Variants in ZNF33A observed in about 807,000 individuals in gnomAD.
ZNF33A encodes the protein zinc finger protein 33A.
In ZNF33A, 9 loss-of-function variants were observed where a neutral mutation model predicts 15.9. That is an observed-to-expected ratio of 0.57 (90% confidence interval 0.34 to 0.99). The LOEUF (loss-of-function observed/expected upper bound fraction) is 0.99, where lower values mean the gene tolerates loss of function less well. Among genes scored for constraint, ZNF33A ranks in the 50% least tolerant of loss-of-function variants. The probability of loss-of-function intolerance (pLI) is 0.02; values close to 1 mark genes in which losing one functional copy is unlikely to be tolerated. For missense variants in ZNF33A, 843 were observed against 941.6 expected, an observed-to-expected ratio of 0.90 and a Z score of 1.37; for synonymous variants, 294 against 324.2, an observed-to-expected ratio of 0.91 and a Z score of 1.00.
intron 4 of ZNF33A, among the ~76,000 whole-genome samples, chr10:38,049,571 G>T (rs2066103685): frequency 6.6e-6 from 1 of 151,998 alleles, no homozygotes; most frequent in Non-Finnish European, 1.5e-5. Context: ...CACATATAGG[G>T]AATTTCATAT....
chr10:38,046,360 G>T (rs555435921), intron 4 of ZNF33A, among the ~76,000 whole-genome samples: 2 of 152,310 alleles, frequency 1.3e-5, no homozygotes, highest in East Asian at 3.9e-4. Flanking sequence ...GACTGATCCT[G>T]CCAGCCAGAG....
rs1039069025 is a variant in ZNF33A, at chr10:38,059,283, T to C, written c.*2723T>C. The C allele has an allele frequency of 6.6e-6, 1 of 152,178 alleles. No homozygotes were observed. Among genetic ancestry groups the C allele is most frequent in the African/African-American group, 2.4e-5 (1 of 41,450 alleles). The allele number at this position is 152,178 out of a possible 1,614,324, so 9.4% of individuals were successfully genotyped here. On this transcript the variant is annotated 3_prime_UTR_variant, in exon 5 of 5. Transcript: ENST00000432900. ...CCTTGATGTTTCCAACTAGACACTTTCCTACTAAGATCAGGAACATGGCAA... is the reference window on the plus strand; with the variant it reads ...CCTTGATGTTTCCAACTAGACACTTCCCTACTAAGATCAGGAACATGGCAA...
At position 38,057,527 on chromosome 10, in the gene ZNF33A, A is replaced by G. The variant is rs2066534727; in HGVS notation, c.*967A>G. On this transcript the variant is annotated 3_prime_UTR_variant, in exon 5 of 5. Transcript: ENST00000432900. ...GGTATCCTAGTTTAGTAGTGGTTAC[A>G]TTATCAGGCCCATCCCAGATGTTTG... 1 of 985,352 alleles carries G rather than the reference A, an allele frequency of 1.0e-6. No homozygotes were observed. Among genetic ancestry groups the G allele is most frequent in the Non-Finnish European group, 1.2e-6 (1 of 829,932 alleles). 61.0% of individuals were successfully genotyped at this position (985,352 alleles called of 1,614,324 possible). A position where few individuals can be genotyped will look rare whatever the true frequency, so the allele number is the denominator to read the frequency against.
chr10:38,023,863 A>G (rs1244301826), intron 4 of ZNF33A, among the ~76,000 whole-genome samples: 1 of 152,206 alleles, frequency 6.6e-6, no homozygotes, highest in Non-Finnish European at 1.5e-5. Flanking sequence ...AAGGAATCTT[A>G]GAAAAAAACC....
intron 4 of ZNF33A, among the ~76,000 whole-genome samples, chr10:38,029,466 C>G (rs1435976964): frequency 1.3e-5 from 2 of 152,166 alleles, no homozygotes; most frequent in Non-Finnish European, 2.9e-5. Flanking sequence ...ACAAAACTTT[C>G]CCACCATTTG....
At chr10:38,023,021 C>A (rs375177428) in intron 4 of ZNF33A, among the ~76,000 whole-genome samples, 1 of 152,070 alleles carries the variant, frequency 6.6e-6, no homozygotes, top group Admixed American at 6.5e-5. Context: ...TCTCGGCTCA[C>A]CGCAACCTCT....
chr10:38,041,421 A>G (rs1185856468), intron 4 of ZNF33A, among the ~76,000 whole-genome samples: 1 of 152,100 alleles, frequency 6.6e-6, no homozygotes, highest in Non-Finnish European at 1.5e-5. Context: ...GAACTTACCT[A>G]ATAAGTCTTG....
intron 4 of ZNF33A, among the ~76,000 whole-genome samples, chr10:38,032,604 G>T (rs2135638638): frequency 6.6e-6 from 1 of 151,294 alleles, no homozygotes. Context: ...TGAATAGTTG[G>T]GATTACAGGT....
At chr10:38,066,777 A>G (rs923720920), downstream of ZNF33A, among the ~76,000 whole-genome samples, 17 of 152,156 alleles carry the variant, frequency 1.1e-4, no homozygotes, top group African/African-American at 4.1e-4. Flanking sequence ...TCTACTAAAA[A>G]TACAAAAATT....
chr10:38,017,967 G>T (rs1384326646), intron 4 of ZNF33A, among the ~76,000 whole-genome samples: 1 of 152,144 alleles, frequency 6.6e-6, no homozygotes, highest in Admixed American at 6.5e-5. Flanking sequence ...GGTGGCAGGT[G>T]CCTGTAATCC....
At chr10:38,011,992 T>A (rs2064207326) in intron 1 of ZNF33A, among the ~76,000 whole-genome samples, 1 of 152,214 alleles carries the variant, frequency 6.6e-6, no homozygotes, top group Non-Finnish European at 1.5e-5. Flanking sequence ...ATTATACTTT[T>A]TTTTGTGAAC....
At chr10:38,066,885 T>A (rs183444999), downstream of ZNF33A, among the ~76,000 whole-genome samples, 36 of 152,152 alleles carry the variant, frequency 2.4e-4, no homozygotes, top group Admixed American at 2.2e-3. Flanking sequence ...TGAGCTGAGA[T>A]TGCATCACTG....
At chr10:38,022,879 C>T (rs553202997) in intron 4 of ZNF33A, among the ~76,000 whole-genome samples, 35 of 152,224 alleles carry the variant, frequency 2.3e-4, no homozygotes, top group Admixed American at 2.0e-3. Context: ...GAGAATTCTA[C>T]CAAACATTTA....
chr10:38,032,535 C>T (rs1008059074), intron 4 of ZNF33A, among the ~76,000 whole-genome samples: 1 of 151,868 alleles, frequency 6.6e-6, no homozygotes, highest in Non-Finnish European at 1.5e-5. Flanking sequence ...CTCTGCCTCC[C>T]GGGTTCAAGC....
chr10:38,058,291 G>C lies in ZNF33A; in HGVS notation c.*1731G>C. 13 of 151,756 alleles carry C rather than the reference G, an allele frequency of 8.6e-5. No individual in the cohort carries two copies. The highest frequency in any genetic ancestry group is 3.4e-3 in the Middle Eastern group (1 of 294). 9.4% of individuals were successfully genotyped at this position (151,756 alleles called of 1,614,324 possible). On this transcript the variant is annotated 3_prime_UTR_variant, in exon 5 of 5. Transcript: ENST00000432900. ...ATTGCTAATACCAAAAATGAAAGAG[G>C]CCATCACAGCTAATCCTATGGTCAC...
chr10:38,055,836 A>G lies in ZNF33A; in HGVS notation c.1712A>G (p.His571Arg). The change falls in exon 5 of 5, where the codon CAT (histidine) becomes CGT (arginine). Residue 571 changes from histidine to arginine, a missense_variant. Physicochemically the swap from His to Arg is conservative, Grantham distance 29 (BLOSUM62 0). Transcript: ENST00000432900. The stretch of plus-strand genomic sequence containing the variant: ...AGCCATAAGTCAACCCTCTCTCAAC[A>G]TTATAGAACACACACAGGGGAGAAA... Reference protein sequence around the residue: ...FFSHKSTLSQHYRTHTGEKPY... With the variant: ...FFSHKSTLSQRYRTHTGEKPY... The G allele has an allele frequency of 8.7e-6, 14 of 1,614,062 alleles. No individual in the cohort carries two copies. Among genetic ancestry groups the G allele is most frequent in the African/African-American group, 1.3e-5 (1 of 75,030 alleles).
rs766113626 is a variant in ZNF33A, at chr10:38,055,741, C to T, written c.1617C>T (p.Asp539=). ...GGAAAACCTTCTGCTTGAAGTCAGA[C>T]CTCACAGTACATCAGAGAACACACA... ...ECGKTFCLKS[D]LTVHQRTHTG... Residue 539 remains aspartate, a synonymous_variant, in exon 5 of 5, where the codon GAC becomes GAT. Coordinates refer to ENST00000432900, the MANE Select transcript of ZNF33A (RefSeq NM_006954.2). 3 of 1,613,096 alleles carry T rather than the reference C, an allele frequency of 1.9e-6. No individual in the cohort carries two copies. In the South Asian group the frequency reaches 3.3e-5, roughly 18 times the overall value.
Position 38,056,749 on chromosome 10 carries a change from T to C in ZNF33A, c.*189T>C. On this transcript the variant is annotated 3_prime_UTR_variant, in exon 5 of 5. Transcript: ENST00000432900. ...GTTTTTGGCAAAAATGCAAATAAGG[T>C]TATGTTAGAATTTACACTGAGGAGA... The C allele has an allele frequency of 1.6e-6, 2 of 1,246,656 alleles. No homozygotes were observed. The highest frequency in any genetic ancestry group is 2.0e-6 in the Non-Finnish European group (2 of 995,896). The allele number at this position is 1,246,656 out of a possible 1,614,324, so 77.2% of individuals were successfully genotyped here. A position where few individuals can be genotyped will look rare whatever the true frequency, so the allele number is the denominator to read the frequency against.
intron 4 of ZNF33A, among the ~76,000 whole-genome samples, chr10:38,050,309 G>A (rs1487945765): frequency 4.6e-5 from 7 of 152,204 alleles, no homozygotes; most frequent in Admixed American, 4.6e-4. Context: ...ATGACCAAAT[G>A]TGGTTAATCC....
Sources: gnomAD v4.1 joint callset for allele counts (sites outside exome capture counted in the v4.1 genomes callset) on GRCh38, gnomAD v4.1.1 for gene constraint, MANE v1.5 for transcripts, NCBI Gene and HGNC (gene_info 2026-07-23, HGNC 2026-07-21) for gene names.